IGSF11: variants seen among roughly 807,000 people sequenced by gnomAD.
The protein encoded by IGSF11 is immunoglobulin superfamily member 11.
IGSF11 carries 22 observed loss-of-function variants against 41.0 expected under a neutral mutation model. The observed-to-expected ratio is 0.54, with a 90% CI of 0.38 to 0.77. The LOEUF is 0.77. Ranked by LOEUF, IGSF11 falls within the 30% of genes least tolerant of loss-of-function variation. The pLI is 0.00. For synonymous variants in IGSF11, 219 were observed against 201.3 expected (o/e 1.09, Z -0.74); for missense variants, 444 against 530.8 (o/e 0.84, Z 1.61).
intron 1 of IGSF11, among the ~76,000 whole-genome samples, chr3:118,963,804 T>C (rs1945496224): frequency 6.6e-6 from 1 of 152,180 alleles, no homozygotes; most frequent in African/African-American, 2.4e-5. Context: ...TCAATGTTTT[T>C]TTCCTTAGGG....
chr3:118,983,502 A>C (rs981622662), intron 1 of IGSF11: 1 of 152,226 alleles, frequency 6.6e-6, no homozygotes, highest in Non-Finnish European at 1.5e-5. Context: ...AAGAACACAA[A>C]ATAAAGACGT....
chr3:118,905,445 A>C, intron 5 of IGSF11, 151 bp downstream of exon 5: 1 of 826,480 alleles, frequency 1.2e-6, no homozygotes, highest in Non-Finnish European at 1.9e-6. Context: ...AACATTTATA[A>C]ACAATTTTCA....
chr3:119,059,836 G>A (rs1285849746), intron 1 of IGSF11, among the ~76,000 whole-genome samples: 1 of 152,246 alleles, frequency 6.6e-6, no homozygotes, highest in East Asian at 1.9e-4. Context: ...TCAGCCAACT[G>A]GAGAGCCTCA....
intron 1 of IGSF11, among the ~76,000 whole-genome samples, chr3:119,112,345 A>T (rs2077181403): frequency 6.6e-6 from 1 of 152,070 alleles, no homozygotes; most frequent in Non-Finnish European, 1.5e-5. Context: ...GTTTGATCTC[A>T]GAGTGTTGTG....
At chr3:119,014,477 T>C (rs369582811) in intron 1 of IGSF11, among the ~76,000 whole-genome samples, 11 of 152,342 alleles carry the variant, frequency 7.2e-5, no homozygotes, top group African/African-American at 2.6e-4. Context: ...TTGTGTAGTA[T>C]TTTATTGAGA....
At position 119,088,292 on chromosome 3, in the gene IGSF11, C is replaced by T. The variant is rs142838279; in HGVS notation, c.49+16852G>A. On this transcript the variant is annotated intron_variant, in intron 1 of 6. Transcript: ENST00000354673. ...AAGATCTCTCAAAACTACACAAATA[C>T]ATGGAAATTAAACAACTTACTTCTA... Among the ~76,000 whole-genome samples the T allele has an allele frequency of 2.6e-3, 398 of 151,316 alleles. 1 individual carries two copies. The highest frequency in any genetic ancestry group is 7.6e-3 in the African/African-American group (313 of 41,252).
At chr3:119,133,318 TA>T (rs1559885040) in intron 1 of IGSF11, among the ~76,000 whole-genome samples, 4 of 151,996 alleles carry the variant, frequency 2.6e-5, no homozygotes, top group African/African-American at 9.7e-5. Flanking sequence ...GATAGAACGC[TA>T]GCAAGACTAG....
At chr3:118,949,106 G>A (rs1944386174) in intron 1 of IGSF11, 1 of 151,970 alleles carries the variant, frequency 6.6e-6, no homozygotes, top group African/African-American at 2.4e-5. Flanking sequence ...CTTCGGCCCT[G>A]GTTCAACCAG....
chr3:119,027,761 T>C (rs1939962499), intron 1 of IGSF11, among the ~76,000 whole-genome samples: 1 of 152,208 alleles, frequency 6.6e-6, no homozygotes, highest in Non-Finnish European at 1.5e-5. Flanking sequence ...TAAGAATCTT[T>C]GCAGTACACT....
chr3:119,015,745 T>A (rs1938609227), intron 1 of IGSF11, among the ~76,000 whole-genome samples: 1 of 139,976 alleles, frequency 7.1e-6, no homozygotes, highest in South Asian at 2.4e-4. Context: ...TATGAATAAA[T>A]GCTAAAAAAA....
intron 1 of IGSF11, 68 bp from the exon 2 acceptor site, chr3:118,930,343 G>T: frequency 6.9e-7 from 1 of 1,449,224 alleles, no homozygotes; most frequent in Non-Finnish European, 9.3e-7. Flanking sequence ...CTTCAGGAAG[G>T]TTTGCGTGTT....
At chr3:118,921,221 G>T (rs1023543907) in intron 4 of IGSF11, among the ~76,000 whole-genome samples, 5 of 152,100 alleles carry the variant, frequency 3.3e-5, no homozygotes, top group African/African-American at 4.8e-5. Flanking sequence ...CCAACCATTA[G>T]AATGTAAGCT....
intron 1 of IGSF11, among the ~76,000 whole-genome samples, chr3:119,046,593 T>A (rs1941363556): frequency 6.6e-6 from 1 of 151,852 alleles, no homozygotes; most frequent in South Asian, 2.1e-4. Flanking sequence ...CAGGAGAATT[T>A]CCCCAATCTA....
At chr3:119,085,127 G>C (rs9832324) in intron 1 of IGSF11, among the ~76,000 whole-genome samples, 25,522 of 152,078 alleles carry the variant, frequency 0.17, 2,623 homozygotes, top group Non-Finnish European at 0.24. Context: ...CTCCCCCAAG[G>C]CTCAAGAGTG....
chr3:119,077,940 T>C (rs1012041727), intron 1 of IGSF11, among the ~76,000 whole-genome samples: 1 of 152,004 alleles, frequency 6.6e-6, no homozygotes. Context: ...GAGAATAAAA[T>C]ACCTAGGAAG....
At chr3:119,110,769 CTTT>C (rs1006562087) in intron 1 of IGSF11, among the ~76,000 whole-genome samples, 1 of 151,818 alleles carries the variant, frequency 6.6e-6, no homozygotes, top group African/African-American at 2.4e-5. Flanking sequence ...TTCAGGAGCT[CTTT>C]TAGGGCAGGC....
At chr3:118,936,506 CA>C (rs1218247191) in intron 1 of IGSF11, among the ~76,000 whole-genome samples, 5,010 of 96,734 alleles carry the variant, frequency 0.052, 91 homozygotes, top group East Asian at 0.12. Flanking sequence ...GATTTCATCT[CA>C]AAAAAAAAAA....
At chr3:119,087,980 A>C (rs1390943905) in intron 1 of IGSF11, among the ~76,000 whole-genome samples, 1 of 152,148 alleles carries the variant, frequency 6.6e-6, no homozygotes, top group African/African-American at 2.4e-5. Flanking sequence ...TAATCGTGGG[A>C]GACTGCCACA....
At chr3:118,955,215 TACATACACAC>T (rs1327729498) in intron 1 of IGSF11, among the ~76,000 whole-genome samples, 2 of 135,060 alleles carry the variant, frequency 1.5e-5, no homozygotes, top group East Asian at 2.1e-4. Context: ...TATGTATATG[TACATACACAC>T]ACACACACAC....
Sources: allele counts gnomAD v4.1 joint callset (sites outside exome capture counted in the v4.1 genomes callset), GRCh38; gene constraint gnomAD v4.1.1; transcripts MANE v1.5; gene names NCBI Gene and HGNC (gene_info 2026-07-23, HGNC 2026-07-21).